Variants in CHST10 observed in about 807,000 individuals in gnomAD.
CHST10 encodes carbohydrate sulfotransferase 10, also known as HNK-1 sulfotransferase.
A neutral mutation model predicts 34.7 loss-of-function variants in CHST10; 24 were observed. The observed-to-expected ratio is 0.69, with a 90% CI of 0.50 to 0.97. CHST10 has a LOEUF of 0.97. Among genes scored for constraint, CHST10 ranks in the 50% least tolerant of loss-of-function variants. The pLI, the probability that CHST10 is intolerant of heterozygous loss-of-function variation, is 0.00. For missense variants in CHST10, 402 were observed against 452.1 expected, an observed-to-expected ratio of 0.89 and a Z score of 1.00; for synonymous variants, 161 against 169.3, an observed-to-expected ratio of 0.95 and a Z score of 0.38.
At chr2:100,412,946 A>T (rs1675906476) in intron 2 of CHST10, among the ~76,000 whole-genome samples, 1 of 151,836 alleles carries the variant, frequency 6.6e-6, no homozygotes, top group African/African-American at 2.4e-5. Flanking sequence ...ATTTTTTTTT[A>T]AAAGAGAGGC....
chr2:100,393,192 A>G lies in CHST10; in HGVS notation c.*53T>C. 6.4e-7 allele frequency: 1 copy of G among 1,573,986 alleles called. No homozygotes were observed. The highest frequency in any genetic ancestry group is 8.7e-7 in the Non-Finnish European group (1 of 1,154,862). ...GGGTCATTTCTGGGCTCAGATCTTC[A>G]CCTGGTTAGCCCCAGGTCTAATAAA... On this transcript the variant is annotated 3_prime_UTR_variant, in exon 7 of 7. Transcript: ENST00000264249.
At position 100,417,460 on chromosome 2, in the gene CHST10, G is replaced by A. The variant is rs1194356588; in HGVS notation, c.-190C>T. 1 of 162,316 alleles carries A rather than the reference G, an allele frequency of 6.2e-6. No homozygotes were observed. Among genetic ancestry groups the A allele is most frequent in the African/African-American group, 2.4e-5 (1 of 41,482 alleles). The allele number at this position is 162,316 out of a possible 1,614,324, so 10.1% of individuals were successfully genotyped here. On this transcript the variant is annotated 5_prime_UTR_variant, in exon 1 of 7. Coordinates refer to ENST00000264249, the MANE Select transcript of CHST10 (RefSeq NM_004854.5). ...CGGGTCGGGCTTCGCCGGGCCTGTG[G>A]GCGAAGCGCGCGGGGTCCTGGGAGC...
intron 5 of CHST10, among the ~76,000 whole-genome samples, chr2:100,397,214 C>T (rs566607270): frequency 3.3e-5 from 5 of 152,304 alleles, no homozygotes; most frequent in Admixed American, 3.3e-4. Flanking sequence ...TTATTAGGAT[C>T]GGTTCAGACT....
intron 3 of CHST10, among the ~76,000 whole-genome samples, chr2:100,405,742 G>C (rs1466190394): frequency 6.6e-6 from 1 of 152,242 alleles, no homozygotes; most frequent in Admixed American, 6.5e-5. Context: ...TCAGCCTAAA[G>C]GAATGGGCCA....
intron 1 of CHST10, chr2:100,416,088 T>A (rs988216023): frequency 6.6e-6 from 1 of 152,274 alleles, no homozygotes; most frequent in Non-Finnish European, 1.5e-5. Context: ...AGAAACATCA[T>A]GTACGGCATT....
intron 6 of CHST10, 121 bp downstream of exon 6, chr2:100,395,388 G>A (rs1033971939): frequency 6.6e-6 from 5 of 761,024 alleles, no homozygotes; most frequent in African/African-American, 1.7e-5. Flanking sequence ...GATGCAAACC[G>A]ACAGCCCTCT....
chr2:100,400,096 C>T (rs1675268107), intron 4 of CHST10, among the ~76,000 whole-genome samples: 2 of 152,228 alleles, frequency 1.3e-5, no homozygotes, highest in Non-Finnish European at 2.9e-5. Flanking sequence ...ATGGATGGCA[C>T]TCAAGAACAG....
At chr2:100,397,860 C>T (rs199717116) in intron 5 of CHST10, 48 bp downstream of exon 5, 51 of 1,482,190 alleles carry the variant, frequency 3.4e-5, no homozygotes, top group Non-Finnish European at 4.5e-5. Flanking sequence ...TCCTCAGCAC[C>T]GGCCACCAAG....
Position 100,395,658 on chromosome 2 carries a change from C to T in CHST10, c.428-44G>A, listed in dbSNP as rs114875296. The T allele has an allele frequency of 1.6e-4, 239 of 1,517,488 alleles. No homozygotes were observed. In the African/African-American group the frequency reaches 1.8e-3, roughly 11 times the overall value. 94.0% of individuals were successfully genotyped at this position (1,517,488 alleles called of 1,614,324 possible). The stretch of plus-strand genomic sequence containing the variant: ...GGAAGGCAGGTTGGCTGCTCCAGTA[C>T]GCCCCTTAGAGAAGGGCATGTCCTT... On this transcript the variant is annotated intron_variant, in intron 5 of 6. Coordinates refer to ENST00000264249, the MANE Select transcript of CHST10 (RefSeq NM_004854.5).
intron 1 of CHST10, chr2:100,416,750 A>C (rs1372183050): frequency 2.8e-6 from 1 of 354,816 alleles, no homozygotes. Flanking sequence ...CGCTGAGCTA[A>C]CCAGAACCTG....
At chr2:100,417,061 C>T (rs1293100069) in intron 1 of CHST10, 2 of 1,304,016 alleles carry the variant, frequency 1.5e-6, no homozygotes, top group South Asian at 2.5e-5. Context: ...CCCTTTCTTC[C>T]TCTCTCCATC....
At chr2:100,411,258 A>C (rs974913568) in intron 2 of CHST10, among the ~76,000 whole-genome samples, 5 of 151,746 alleles carry the variant, frequency 3.3e-5, no homozygotes, top group Non-Finnish European at 5.9e-5. Flanking sequence ...CTGTGATTAC[A>C]GGCACGCCAC....
At chr2:100,400,333 G>A (rs1416814231) in intron 4 of CHST10, among the ~76,000 whole-genome samples, 1 of 152,146 alleles carries the variant, frequency 6.6e-6, no homozygotes, top group African/African-American at 2.4e-5. Context: ...TCCAACTCCT[G>A]GGCTCAAGTG....
intron 3 of CHST10, among the ~76,000 whole-genome samples, chr2:100,403,851 T>G (rs1249042834): frequency 6.6e-6 from 1 of 152,218 alleles, no homozygotes; most frequent in African/African-American, 2.4e-5. Context: ...AAGCCCTTTA[T>G]GGCCACGAGC....
intron 6 of CHST10, among the ~76,000 whole-genome samples, chr2:100,394,255 GAGTC>G (rs1674943195): frequency 6.6e-6 from 1 of 152,152 alleles, no homozygotes; most frequent in African/African-American, 2.4e-5. Flanking sequence ...AGAAAACAGA[GAGTC>G]AGGCTTCACG....
chr2:100,417,329 G>C (rs1676109958), intron 1 of CHST10, 45 bp downstream of exon 1: 1 of 346,432 alleles, frequency 2.9e-6, no homozygotes, highest in Non-Finnish European at 5.7e-6. Context: ...CGGGGAGAGG[G>C]GCCCAGGCGC....
Position 100,407,639 on chromosome 2 carries a change from G to C in CHST10, c.-32-932C>G, listed in dbSNP as rs1675638069. Reference sequence around the variant, plus strand: ...AACCCTGGGTGGGTCAGAGCTCCATGAAGACCCAGGTGAATCACTCTCCTT... The same window carrying C: ...AACCCTGGGTGGGTCAGAGCTCCATCAAGACCCAGGTGAATCACTCTCCTT... On this transcript the variant is annotated intron_variant, in intron 2 of 6. Transcript: ENST00000264249. 5 of 152,166 alleles carry C rather than the reference G, an allele frequency of 3.3e-5. No individual in the cohort carries two copies. The South Asian group carries it at 1.0e-3, about 32-fold the overall frequency. The allele number at this position is 152,166 out of a possible 1,614,324, so 9.4% of individuals were successfully genotyped here. A position where few individuals can be genotyped will look rare whatever the true frequency, so the allele number is the denominator to read the frequency against.
chr2:100,412,214 G>C (rs190443185), intron 2 of CHST10, among the ~76,000 whole-genome samples: 1 of 152,160 alleles, frequency 6.6e-6, no homozygotes, highest in Non-Finnish European at 1.5e-5. Context: ...ATTCTAACCC[G>C]GCACAAGCAA....
At chr2:100,397,780 C>A in intron 5 of CHST10, 128 bp downstream of exon 5, 1 of 700,098 alleles carries the variant, frequency 1.4e-6, no homozygotes, top group Non-Finnish European at 2.4e-6. Flanking sequence ...ACAGGCCTGT[C>A]TGGACGGCCA....
Sources: allele counts gnomAD v4.1 joint callset (sites outside exome capture counted in the v4.1 genomes callset), GRCh38; gene constraint gnomAD v4.1.1; transcripts MANE v1.5; gene names NCBI Gene and HGNC (gene_info 2026-07-23, HGNC 2026-07-21).